HDLBP: variants seen among roughly 807,000 people sequenced by gnomAD.
HDLBP encodes vigilin.
HDLBP carries 30 observed loss-of-function variants against 137.3 expected under a neutral mutation model. The observed-to-expected ratio is 0.22, with a 90% CI of 0.16 to 0.30. The LOEUF (loss-of-function observed/expected upper bound fraction) is 0.30. Among genes scored for constraint, HDLBP ranks in the 10% least tolerant of loss-of-function variants. The pLI is 1.00. For missense variants in HDLBP, 1,119 were observed against 1,667.3 expected (o/e 0.67, Z 5.73); for synonymous variants, 606 against 596.0 (o/e 1.02, Z -0.24).
At position 241,272,476 on chromosome 2, in the gene HDLBP, C is replaced by T; in HGVS notation, c.-102-3935G>A. ...CTTGCAGCCAAGAGCGGCCCAGCGG[C>T]GCCACCGGACTTGAGAAAGTTTGTG... On this transcript the variant is annotated intron_variant, in intron 1 of 27. Coordinates refer to ENST00000310931, the MANE Select transcript of HDLBP (RefSeq NM_005336.6). The surrounding 1 kb of genome is among the most constrained non-coding windows in gnomAD (Gnocchi z 5.6). 1.0e-6 allele frequency: 1 copy of T among 984,366 alleles called. No individual in the cohort carries two copies. Among genetic ancestry groups the T allele is most frequent in the Non-Finnish European group, 1.2e-6 (1 of 829,576 alleles). The allele number at this position is 984,366 out of a possible 1,614,324, so 61.0% of individuals were successfully genotyped here.
intron 24 of HDLBP, chr2:241,231,251 G>C (rs1024372099): frequency 7.9e-6 from 2 of 252,810 alleles, no homozygotes; most frequent in African/African-American, 4.4e-5. Context: ...GGGCGTGGTG[G>C]TGCACGCCTG....
chr2:241,279,647 G>A (rs2074525084), intron 1 of HDLBP, among the ~76,000 whole-genome samples: 1 of 152,080 alleles, frequency 6.6e-6, no homozygotes, highest in South Asian at 2.1e-4. Flanking sequence ...AATGGCTCTG[G>A]GAAAACTGGT....
chr2:241,312,594 A>C (rs80239448), intron 1 of HDLBP, among the ~76,000 whole-genome samples: 95 of 152,346 alleles, frequency 6.2e-4, no homozygotes, highest in Middle Eastern at 3.4e-3. Context: ...TTGTGTCATC[A>C]TAACTTGGCA....
At position 241,229,868 on chromosome 2, in the gene HDLBP, G is replaced by C; in HGVS notation, c.3685C>G (p.Arg1229Gly). ...AKAPSRGFVV[R>G]DAPWTASSSE... Reference sequence around the variant, plus strand: ...CTGCTGGCGGTCCAGGGTGCGTCCCGCACCACAAAGCCTCTGGAAGGTGCC... The same window carrying C: ...CTGCTGGCGGTCCAGGGTGCGTCCCCCACCACAAAGCCTCTGGAAGGTGCC... Residue 1229 changes from arginine to glycine, a missense_variant, in exon 27 of 28, where the codon CGG (arginine) becomes GGG (glycine). Physicochemically the swap from Arg to Gly is moderately radical, Grantham distance 125 (BLOSUM62 -2). This residue lies in a region of HDLBP where 618 missense variants were observed against 816.7 expected (regional missense o/e 0.76). Coordinates refer to ENST00000310931, the MANE Select transcript of HDLBP (RefSeq NM_005336.6). 6.8e-7 allele frequency: 1 copy of C among 1,466,190 alleles called. No individual in the cohort carries two copies. Among genetic ancestry groups the C allele is most frequent in the Non-Finnish European group, 9.2e-7 (1 of 1,090,482 alleles). 90.8% of individuals were successfully genotyped at this position (1,466,190 alleles called of 1,614,324 possible).
Position 241,255,597 on chromosome 2 carries a change from T to C in HDLBP, c.874-17A>G. On this transcript the variant is annotated splice_polypyrimidine_tract_variant and intron_variant, in intron 7 of 27. Transcript: ENST00000310931. ...CTTCTTTTTCTAAATAAGAGCACCA[T>C]AAGGGGCAGTCAAAGGGAAAGGTGT... 6.2e-7 allele frequency: 1 copy of C among 1,600,048 alleles called. No homozygotes were observed. Among genetic ancestry groups the C allele is most frequent in the Non-Finnish European group, 8.6e-7 (1 of 1,167,260 alleles).
chr2:241,230,792 G>C lies in HDLBP; in HGVS notation c.3441C>G (p.Gly1147=). Reference sequence around the variant, plus strand: ...CGTCCATGATTTTGCGAATGGCTTTGCCGCGGGCACCAATGATGCGGGCGT... The same window carrying C: ...CGTCCATGATTTTGCGAATGGCTTTCCCGCGGGCACCAATGATGCGGGCGT... The part of the protein sequence containing the change: ...RVHARIIGAR[G]KAIRKIMDEF... The change falls in exon 25 of 28, where the codon GGC becomes GGG. Residue 1147 remains glycine, a synonymous_variant. Transcript: ENST00000310931. This position sits in a 1 kb window ranked among gnomAD's most constrained non-coding sequence, Gnocchi z 5.0. 1 of 1,614,220 alleles carries C rather than the reference G, an allele frequency of 6.2e-7. No individual in the cohort carries two copies. The highest frequency in any genetic ancestry group is 8.5e-7 in the Non-Finnish European group (1 of 1,180,032).
Position 241,286,674 on chromosome 2 carries a change from G to A in HDLBP, c.-102-18133C>T, listed in dbSNP as rs568891155. ...GACCTCCTGAGGCTGGGTCACGGGT[G>A]CGCGTCCTCACCCTTGGCAAAGTAA... On this transcript the variant is annotated intron_variant, in intron 1 of 27. Coordinates refer to ENST00000310931, the MANE Select transcript of HDLBP (RefSeq NM_005336.6). Among the ~76,000 whole-genome samples the A allele has an allele frequency of 3.3e-5, 5 of 152,328 alleles. No individual in the cohort carries two copies. In the East Asian group the frequency reaches 9.6e-4, roughly 29 times the overall value.
chr2:241,278,205 TG>T (rs919178997), intron 1 of HDLBP, among the ~76,000 whole-genome samples: 7 of 151,956 alleles, frequency 4.6e-5, no homozygotes, highest in African/African-American at 1.7e-4. Context: ...TCCAGTAATG[TG>T]GGGGGGTACA....
At chr2:241,273,709 CA>C in intron 1 of HDLBP, 2 of 968,500 alleles carry the variant, frequency 2.1e-6, no homozygotes, top group Non-Finnish European at 2.5e-6. Flanking sequence ...GACCGTCCCA[CA>C]CAGGGGAAGA....
At chr2:241,276,986 TA>T (rs757786857) in intron 1 of HDLBP, among the ~76,000 whole-genome samples, 1,901 of 129,646 alleles carry the variant, frequency 0.015, 4 homozygotes, top group African/African-American at 0.018. Context: ...GGCCAGGAGC[TA>T]AAAAAAAAAA....
chr2:241,310,780 G>A (rs2075735312), intron 1 of HDLBP, among the ~76,000 whole-genome samples: 1 of 152,186 alleles, frequency 6.6e-6, no homozygotes, highest in African/African-American at 2.4e-5. Flanking sequence ...GATGAAAACA[G>A]TCTCCAAGGG....
chr2:241,314,950 G>T (rs2075972510), intron 1 of HDLBP: 1 of 152,162 alleles, frequency 6.6e-6, no homozygotes. Flanking sequence ...AGGCCACGCG[G>T]GAGGGAGGAA....
In HDLBP at chr2:241,267,794, G is replaced by A. The variant is rs975730499; in HGVS notation, c.-38+683C>T. On this transcript the variant is annotated intron_variant, in intron 2 of 27. Coordinates refer to ENST00000310931, the MANE Select transcript of HDLBP (RefSeq NM_005336.6). ...GCGCTAAATGCCCTTGATCCACACTGACTGGTTATTCTCCCATCCCTCCAG... is the reference window on the plus strand; with the variant it reads ...GCGCTAAATGCCCTTGATCCACACTAACTGGTTATTCTCCCATCCCTCCAG... 3 of 1,486,878 alleles carry A rather than the reference G, an allele frequency of 2.0e-6. No individual in the cohort carries two copies. The African/African-American group carries it at 4.2e-5, about 21-fold the overall frequency. The allele number at this position is 1,486,878 out of a possible 1,614,324, so 92.1% of individuals were successfully genotyped here.
intron 1 of HDLBP, among the ~76,000 whole-genome samples, chr2:241,289,908 T>C (rs1325371100): frequency 6.6e-6 from 1 of 151,624 alleles, no homozygotes; most frequent in East Asian, 1.9e-4. Flanking sequence ...ACGTGTGGGA[T>C]GAATGGACTT....
At chr2:241,282,058 T>C (rs757270145) in intron 1 of HDLBP, among the ~76,000 whole-genome samples, 55 of 152,216 alleles carry the variant, frequency 3.6e-4, no homozygotes, top group Non-Finnish European at 3.5e-4. Context: ...GAGTATAAAA[T>C]GCGTCTTCTT....
intron 16 of HDLBP, 97 bp from the exon 17 acceptor site, chr2:241,242,775 G>A (rs934572087): frequency 2.0e-5 from 22 of 1,085,888 alleles, no homozygotes; most frequent in Admixed American, 1.2e-4. Context: ...TGATGAACAC[G>A]CAGGCCTAGA....
chr2:241,308,280 T>G (rs1559560315), intron 1 of HDLBP, among the ~76,000 whole-genome samples: 1 of 152,218 alleles, frequency 6.6e-6, no homozygotes, highest in Non-Finnish European at 1.5e-5. Flanking sequence ...TACCAGTGTT[T>G]CAGCAACGCT....
chr2:241,247,052 T>C lies in HDLBP; in HGVS notation c.1818+4A>G. 6.2e-7 allele frequency: 1 copy of C among 1,607,678 alleles called. No homozygotes were observed. ...GAAGCAAGATGCAGCGGACAAGTTA[T>C]CACCTTTTTAATGTTTGCGCCTCCT... On this transcript the variant is annotated splice_donor_region_variant and intron_variant, in intron 15 of 27. Coordinates refer to ENST00000310931, the MANE Select transcript of HDLBP (RefSeq NM_005336.6).
chr2:241,302,190 C>T (rs974941248), intron 1 of HDLBP, among the ~76,000 whole-genome samples: 41 of 152,020 alleles, frequency 2.7e-4, no homozygotes, highest in Admixed American at 2.6e-3. Context: ...CCCAGGAGTT[C>T]GAGACTGCAG....
Sources: gnomAD v4.1 joint callset for allele counts (sites outside exome capture counted in the v4.1 genomes callset) on GRCh38, gnomAD v4.1.1 for gene constraint, gnomAD v4.1.1 regional missense constraint, Gnocchi (gnomAD v3.1) non-coding constraint, MANE v1.5 for transcripts, NCBI Gene and HGNC (gene_info 2026-07-23, HGNC 2026-07-21) for gene names.